The following NR3C2 variants were observed in gnomAD, a reference collection of about 807,000 sequenced individuals.
The protein encoded by NR3C2 is mineralocorticoid receptor.
Under a neutral mutation model 86.4 loss-of-function variants are expected in NR3C2, and 15 were observed. The ratio of observed to expected loss-of-function variants is 0.17; its 90% CI spans 0.12 to 0.27. The LOEUF is 0.27. Among genes scored for constraint, NR3C2 ranks in the 10% least tolerant of loss-of-function variants. The pLI is 1.00. For synonymous variants in NR3C2, 458 were observed against 450.5 expected, an observed-to-expected ratio of 1.02 and a Z score of -0.21; for missense variants, 960 against 1,195.6, an observed-to-expected ratio of 0.80 and a Z score of 2.91.
At chr4:148,243,792 T>C (rs140115843) in intron 3 of NR3C2, among the ~76,000 whole-genome samples, 244 of 152,304 alleles carry the variant, frequency 1.6e-3, no homozygotes, top group Non-Finnish European at 2.7e-3. Context: ...TATAGAGCAT[T>C]TGGCACCCAT....
At chr4:148,394,427 C>T (rs1044819690) in intron 2 of NR3C2, among the ~76,000 whole-genome samples, 3 of 151,558 alleles carry the variant, frequency 2.0e-5, no homozygotes, top group African/African-American at 7.3e-5. Flanking sequence ...TGCCTATAAT[C>T]CCAGGACTTT....
chr4:148,238,100 A>T (rs1322074621), intron 3 of NR3C2, among the ~76,000 whole-genome samples: 1 of 152,208 alleles, frequency 6.6e-6, no homozygotes, highest in Non-Finnish European at 1.5e-5. Flanking sequence ...ATTTAAAATT[A>T]GCAACTCTAT....
intron 2 of NR3C2, among the ~76,000 whole-genome samples, chr4:148,331,190 GA>G (rs11362297): frequency 0.34 from 51,421 of 151,480 alleles, 9,964 homozygotes; most frequent in African/African-American, 0.54. Flanking sequence ...AGTGCAAAAG[GA>G]AAAAAAATAT....
intron 2 of NR3C2, among the ~76,000 whole-genome samples, chr4:148,367,969 C>T (rs1746233860): frequency 6.6e-6 from 1 of 152,048 alleles, no homozygotes; most frequent in African/African-American, 2.4e-5. Context: ...ATCCGCCCTC[C>T]TGCTGTATTT....
rs1008369746 is a variant in NR3C2 at position 148,353,480 on chromosome 4, T to A, written c.1757+81624A>T. 2.6e-5 allele frequency among the ~76,000 whole-genome samples: 4 copies of A among 152,246 alleles called. No individual in the cohort carries two copies. The East Asian group carries it at 5.8e-4, about 22-fold the overall frequency. ...ACACATATATACATTTTCTAGAATA[T>A]ATAACACTGGAAAATGTTCATGAGA... is the stretch of plus-strand genomic sequence containing the variant. On this transcript the variant is annotated intron_variant, in intron 2 of 8. Transcript: ENST00000358102.
At chr4:148,373,897 C>T (rs1301962936) in intron 2 of NR3C2, among the ~76,000 whole-genome samples, 1 of 152,082 alleles carries the variant, frequency 6.6e-6, no homozygotes, top group Admixed American at 6.5e-5. Context: ...ATTCTAGAAG[C>T]AAGAAAATTC....
chr4:148,324,012 A>T (rs1743808596), intron 2 of NR3C2, among the ~76,000 whole-genome samples: 1 of 152,174 alleles, frequency 6.6e-6, no homozygotes, highest in South Asian at 2.1e-4. Context: ...TCTGCCCTCT[A>T]GGTGTTTCCA....
chr4:148,086,980 CA>C (rs1730844095), intron 8 of NR3C2, among the ~76,000 whole-genome samples: 1 of 152,208 alleles, frequency 6.6e-6, no homozygotes, highest in Non-Finnish European at 1.5e-5. Context: ...GACAGGAAGT[CA>C]AATTGTCTCT....
intron 6 of NR3C2, among the ~76,000 whole-genome samples, chr4:148,141,090 G>T (rs1733580356): frequency 6.6e-6 from 1 of 152,170 alleles, no homozygotes. Flanking sequence ...CCATGTGCCA[G>T]AAAGAGCACA....
chr4:148,114,302 AAAC>A, intron 7 of NR3C2, 41 bp from the exon 8 acceptor site: 1 of 1,609,080 alleles, frequency 6.2e-7, no homozygotes, highest in Non-Finnish European at 8.5e-7. Context: ...CCAGGATGGA[AAAC>A]AACTTTAGCA....
chr4:148,337,169 ATTG>A (rs1410698461), intron 2 of NR3C2, among the ~76,000 whole-genome samples: 1 of 152,146 alleles, frequency 6.6e-6, no homozygotes, highest in Non-Finnish European at 1.5e-5. Context: ...GATAACACAC[ATTG>A]TTGTTGTTTT....
At chr4:148,386,957 CT>C (rs1747292943) in intron 2 of NR3C2, among the ~76,000 whole-genome samples, 1 of 152,196 alleles carries the variant, frequency 6.6e-6, no homozygotes, top group Non-Finnish European at 1.5e-5. Flanking sequence ...CCTGTCTAGT[CT>C]AGTCCTAACC....
intron 2 of NR3C2, among the ~76,000 whole-genome samples, chr4:148,388,887 C>G (rs1441413087): frequency 6.6e-6 from 1 of 152,180 alleles, no homozygotes; most frequent in Non-Finnish European, 1.5e-5. Context: ...TGGGTAACAT[C>G]TATCCATAGC....
At position 148,259,839 on chromosome 4, in the gene NR3C2, G is replaced by A. The variant is rs72655231; in HGVS notation, c.1897+139C>T. ...AATCTCCAGGTGGTTTTTATACAAG[G>A]CACTATTACTGTTTATCACTGACAG... On this transcript the variant is annotated intron_variant, in intron 3 of 8. Coordinates refer to ENST00000358102, the MANE Select transcript of NR3C2 (RefSeq NM_000901.5). 1.1e-4 allele frequency: 115 copies of A among 1,069,236 alleles called. No homozygotes were observed. In the African/African-American group the frequency reaches 1.6e-3, roughly 15 times the overall value. 66.2% of individuals were successfully genotyped at this position (1,069,236 alleles called of 1,614,324 possible). A position where few individuals can be genotyped will look rare whatever the true frequency, so the allele number is the denominator to read the frequency against.
chr4:148,376,922 CT>C (rs1491389010), intron 2 of NR3C2, among the ~76,000 whole-genome samples: 1 of 152,138 alleles, frequency 6.6e-6, no homozygotes, highest in African/African-American at 2.4e-5. Context: ...CAAAGTTATA[CT>C]TTTTTTGAAA....
At chr4:148,262,792 G>A (rs1740190197) in intron 2 of NR3C2, among the ~76,000 whole-genome samples, 1 of 152,146 alleles carries the variant, frequency 6.6e-6, no homozygotes, top group Non-Finnish European at 1.5e-5. Context: ...AAGGCAGGGA[G>A]TCCGTGCTTG....
rs553370511 is a variant in NR3C2, at chr4:148,244,104, A to G, written c.1897+15874T>C. Reference sequence around the variant, plus strand: ...AACTCCTGACAAAACTACCACTTCAACAGATGGTGCCTATGATCCTATCCT... The same window carrying G: ...AACTCCTGACAAAACTACCACTTCAGCAGATGGTGCCTATGATCCTATCCT... On this transcript the variant is annotated intron_variant, in intron 3 of 8. Coordinates refer to ENST00000358102, the MANE Select transcript of NR3C2 (RefSeq NM_000901.5). 1.6e-4 allele frequency among the ~76,000 whole-genome samples: 24 copies of G among 152,316 alleles called. 1 individual carries two copies. The South Asian group carries it at 4.8e-3, about 30-fold the overall frequency.
chr4:148,396,580 T>C (rs1215182357), intron 2 of NR3C2, among the ~76,000 whole-genome samples: 2 of 152,204 alleles, frequency 1.3e-5, no homozygotes, highest in African/African-American at 4.8e-5. Context: ...CATTAAACTA[T>C]GAAAAACAAG....
chr4:148,364,070 C>T (rs1325540608), intron 2 of NR3C2, among the ~76,000 whole-genome samples: 1 of 152,110 alleles, frequency 6.6e-6, no homozygotes, highest in Non-Finnish European at 1.5e-5. Flanking sequence ...TAGTAAACTG[C>T]CTACCAATTT....
Sources: allele counts gnomAD v4.1 joint callset (sites outside exome capture counted in the v4.1 genomes callset), GRCh38; gene constraint gnomAD v4.1.1; transcripts MANE v1.5; gene names NCBI Gene and HGNC (gene_info 2026-07-23, HGNC 2026-07-21).